Variants in PYROXD2 observed in about 807,000 individuals in gnomAD.
PYROXD2 encodes the protein pyridine nucleotide-disulfide oxidoreductase domain-containing protein 2.
Under a neutral mutation model 71.1 loss-of-function variants are expected in PYROXD2, and 69 were observed. The ratio of observed to expected loss-of-function variants is 0.97; its 90% CI spans 0.80 to 1.19. The LOEUF is 1.19. PYROXD2 is among the 50% of genes most tolerant of loss of function. The probability of loss-of-function intolerance (pLI) is 0.00; values close to 1 mark genes in which losing one functional copy is unlikely to be tolerated. For synonymous variants in PYROXD2, 287 were observed against 302.7 expected (o/e 0.95, Z 0.54); for missense variants, 745 against 748.9 (o/e 0.99, Z 0.06).
intron 4 of PYROXD2, among the ~76,000 whole-genome samples, chr10:98,403,904 G>A (rs912025115): frequency 6.6e-6 from 1 of 152,172 alleles, no homozygotes; most frequent in Non-Finnish European, 1.5e-5. Context: ...TGGACTGAAT[G>A]AACGAATAAA....
rs756687232 is a variant in PYROXD2, at chr10:98,414,991, C to A, written c.127+18G>T. ...TTCCCGCCCCTCAGCTCTGGCCCGG[C>A]CTGCTTTACCACTTTACCTGCTCCT... is the stretch of plus-strand genomic sequence containing the variant. On this transcript the variant is annotated intron_variant, in intron 1 of 15. Coordinates refer to ENST00000370575, the MANE Select transcript of PYROXD2 (RefSeq NM_032709.3). 1.7e-5 allele frequency: 28 copies of A among 1,611,232 alleles called. No homozygotes were observed. The highest frequency in any genetic ancestry group is 2.1e-5 in the Non-Finnish European group (25 of 1,178,484).
At position 98,388,538 on chromosome 10, in the gene PYROXD2, T is replaced by C. The variant is rs1434555531; in HGVS notation, c.1293-30A>G. The C allele has an allele frequency of 1.9e-6, 3 of 1,543,546 alleles. No individual in the cohort carries two copies. In the Admixed American group the frequency reaches 5.8e-5, roughly 30 times the overall value. ...GCGGGCAGGGAGGAGACGGCAGGTC[T>C]AAAGAGCAGCAGTGCGGAGGGTAGG... On this transcript the variant is annotated intron_variant, in intron 12 of 15. Transcript: ENST00000370575.
At chr10:98,410,159 T>C (rs1009726170) in intron 2 of PYROXD2, among the ~76,000 whole-genome samples, 1 of 152,306 alleles carries the variant, frequency 6.6e-6, no homozygotes, top group African/African-American at 2.4e-5. Context: ...GCACGTAAAA[T>C]GTTCAAGTAA....
intron 4 of PYROXD2, among the ~76,000 whole-genome samples, chr10:98,405,933 T>C (rs546417849): frequency 6.6e-6 from 1 of 152,328 alleles, no homozygotes; most frequent in Non-Finnish European, 1.5e-5. Context: ...TAAGGATCAA[T>C]TGAGATAGAA....
intron 2 of PYROXD2, 73 bp from the exon 3 acceptor site, chr10:98,408,070 G>A: frequency 2.1e-6 from 3 of 1,412,978 alleles, no homozygotes; most frequent in Non-Finnish European, 2.9e-6. Context: ...GGGCTGACCC[G>A]CAGACTAAGG....
chr10:98,406,569 T>C, intron 4 of PYROXD2, among the ~76,000 whole-genome samples: 1 of 152,150 alleles, frequency 6.6e-6, no homozygotes, highest in East Asian at 1.9e-4. Flanking sequence ...GACATCTTAC[T>C]AGTTTAAAAT....
chr10:98,409,575 C>T (rs1383994614), intron 2 of PYROXD2, among the ~76,000 whole-genome samples: 1 of 152,202 alleles, frequency 6.6e-6, no homozygotes. Context: ...GGATGCCAGC[C>T]TTCCTTGGCC....
At chr10:98,392,297 C>G in intron 10 of PYROXD2, 135 bp downstream of exon 10, 1 of 1,429,360 alleles carries the variant, frequency 7.0e-7, no homozygotes, top group Non-Finnish European at 9.4e-7. Flanking sequence ...TGCCCTTACC[C>G]CCCTGTTTCC....
chr10:98,387,625 T>G (rs1044306698), intron 13 of PYROXD2, among the ~76,000 whole-genome samples: 1 of 36,234 alleles, frequency 2.8e-5, no homozygotes, highest in Non-Finnish European at 4.0e-5. Context: ...TCTCAAGCTG[T>G]TTTTTTTTTT....
At chr10:98,391,437 G>C (rs1292107452) in intron 10 of PYROXD2, among the ~76,000 whole-genome samples, 1 of 152,182 alleles carries the variant, frequency 6.6e-6, no homozygotes, top group African/African-American at 2.4e-5. Context: ...ACTGATGTTT[G>C]TTGAATTTTA....
intron 5 of PYROXD2, among the ~76,000 whole-genome samples, chr10:98,397,878 T>C (rs1424477226): frequency 2.0e-4 from 2 of 9,774 alleles, no homozygotes; most frequent in Admixed American, 2.1e-3. Context: ...TCCTTTCTTC[T>C]TTTTTTTTTT....
In PYROXD2 at chr10:98,385,556, C is replaced by T. The variant is rs74846711; in HGVS notation, c.1555-489G>A. Among the ~76,000 whole-genome samples the T allele has an allele frequency of 6.6e-5, 10 of 152,328 alleles. No individual in the cohort carries two copies. The East Asian group carries it at 1.9e-3, about 29-fold the overall frequency. ...TGGCTTGGGTGAGACCAGCCCCAGG[C>T]TGAGAAGGGAGGCAGCATGGGACAA... On this transcript the variant is annotated intron_variant, in intron 14 of 15. Coordinates refer to ENST00000370575, the MANE Select transcript of PYROXD2 (RefSeq NM_032709.3).
In PYROXD2 at chr10:98,400,324, C is replaced by T. The variant is rs985782847; in HGVS notation, c.316-67G>A. 21 of 1,479,782 alleles carry T rather than the reference C, an allele frequency of 1.4e-5. No homozygotes were observed. In the East Asian group the frequency reaches 1.6e-4, roughly 11 times the overall value. 91.7% of individuals were successfully genotyped at this position (1,479,782 alleles called of 1,614,324 possible). A position where few individuals can be genotyped will look rare whatever the true frequency, so the allele number is the denominator to read the frequency against. ...GTGGTCTCTGCCCATCATCTTTCTC[C>T]GATTGTGTTTGTGTGACCATTTAGG... On this transcript the variant is annotated intron_variant, in intron 4 of 15. Coordinates refer to ENST00000370575, the MANE Select transcript of PYROXD2 (RefSeq NM_032709.3).
At chr10:98,411,998 A>T (rs1843804515) in intron 1 of PYROXD2, 1 of 152,256 alleles carries the variant, frequency 6.6e-6, no homozygotes, top group Non-Finnish European at 1.5e-5. Context: ...AAAGGCAGAC[A>T]GTCCTGGGCT....
intron 14 of PYROXD2, 65 bp from the exon 15 acceptor site, chr10:98,385,132 T>G: frequency 6.3e-7 from 1 of 1,588,104 alleles, no homozygotes; most frequent in Non-Finnish European, 8.6e-7. Flanking sequence ...CTGGCTGGGT[T>G]TCTTCCCCTC....
chr10:98,392,466 G>C lies in PYROXD2; in HGVS notation c.1028C>G (p.Ser343Ter). 1 of 1,613,894 alleles carries C rather than the reference G, an allele frequency of 6.2e-7. No homozygotes were observed. The highest frequency in any genetic ancestry group is 8.5e-7 in the Non-Finnish European group (1 of 1,180,036). ...VRSKMVLSNT[S>*]PQITFLKLTP... ...CAGCTTCAGGAAGGTGATCTGCGGT[G>C]ATGTGTTGGACAGCACCATTTTGCT... Residue 343 changes from serine (S) to a stop codon, truncating the protein, a stop_gained, in exon 10 of 16, where the codon TCA (serine) becomes TGA (stop). Transcript: ENST00000370575. LOFTEE classifies it high-confidence loss of function.
Position 98,383,670 on chromosome 10 carries a change from A to G in PYROXD2, c.*128T>C, listed in dbSNP as rs1842659583. Reference sequence around the variant, plus strand: ...AATGTAACTCGTACGTTTTTTCTAAAATAATTTCTTGAGCATTGTGGTGGC... The same window carrying G: ...AATGTAACTCGTACGTTTTTTCTAAGATAATTTCTTGAGCATTGTGGTGGC... On this transcript the variant is annotated 3_prime_UTR_variant, in exon 16 of 16. Coordinates refer to ENST00000370575, the MANE Select transcript of PYROXD2 (RefSeq NM_032709.3). The G allele has an allele frequency of 5.1e-6, 4 of 779,570 alleles. No individual in the cohort carries two copies. In the South Asian group the frequency reaches 6.2e-5, roughly 12 times the overall value. The allele number at this position is 779,570 out of a possible 1,614,324, so 48.3% of individuals were successfully genotyped here. A position where few individuals can be genotyped will look rare whatever the true frequency, so the allele number is the denominator to read the frequency against.
In PYROXD2 at chr10:98,392,990, C is replaced by T. The variant is rs757059548; in HGVS notation, c.879G>A (p.Ala293=). 7.2e-5 allele frequency: 116 copies of T among 1,613,706 alleles called. No individual in the cohort carries two copies. Among genetic ancestry groups the T allele is most frequent in the Non-Finnish European group, 8.6e-5 (101 of 1,179,818 alleles). ...VQGGMGALSD[A]IASSATTHGA... is the part of the protein sequence containing the mutation. ...CATGTGTGGTGGCTGAGCTTGCGATCGCATCAGAGAGGGCACCCATGCCCC... is the reference window on the plus strand; with the variant it reads ...CATGTGTGGTGGCTGAGCTTGCGATTGCATCAGAGAGGGCACCCATGCCCC... The change falls in exon 9 of 16, where the codon GCG becomes GCA. Residue 293 remains alanine (A), a synonymous_variant. Transcript: ENST00000370575.
At chr10:98,406,184 A>C (rs1286945467) in intron 4 of PYROXD2, among the ~76,000 whole-genome samples, 1 of 152,212 alleles carries the variant, frequency 6.6e-6, no homozygotes, top group Admixed American at 6.5e-5. Flanking sequence ...GCAGAGGTTA[A>C]AGCATCTACT....
Sources: allele counts gnomAD v4.1 joint callset (sites outside exome capture counted in the v4.1 genomes callset), GRCh38; gene constraint gnomAD v4.1.1; transcripts MANE v1.5; gene names NCBI Gene and HGNC (gene_info 2026-07-23, HGNC 2026-07-21).